The following PTPN7 variants were observed in gnomAD, a reference collection of about 807,000 sequenced individuals.
PTPN7 encodes tyrosine-protein phosphatase non-receptor type 7.
PTPN7 carries 33 observed loss-of-function variants against 50.3 expected under a neutral mutation model. The ratio of observed to expected loss-of-function variants is 0.66; its 90% CI spans 0.50 to 0.88. The LOEUF (loss-of-function observed/expected upper bound fraction) is 0.88, where lower values mean the gene tolerates loss of function less well. Ranked by LOEUF, PTPN7 falls within the 40% of genes least tolerant of loss-of-function variation. The pLI is 0.00. For missense variants in PTPN7, 412 were observed against 475.4 expected (o/e 0.87, Z 1.24); for synonymous variants, 185 against 186.6 (o/e 0.99, Z 0.07).
chr1:202,153,898 G>C (rs1656338570), intron 6 of PTPN7, 63 bp from the exon 7 acceptor site: 4 of 1,360,812 alleles, frequency 2.9e-6, no homozygotes, highest in East Asian at 4.6e-5. Flanking sequence ...GGGCAGCAGA[G>C]AGGGGCTGGT....
At position 202,148,425 on chromosome 1, in the gene PTPN7, T is replaced by C; in HGVS notation, c.*181A>G. 1 of 539,050 alleles carries C rather than the reference T, an allele frequency of 1.9e-6. No individual in the cohort carries two copies. The highest frequency in any genetic ancestry group is 2.7e-5 in the South Asian group (1 of 37,404). 33.4% of individuals were successfully genotyped at this position (539,050 alleles called of 1,614,324 possible). A position where few individuals can be genotyped will look rare whatever the true frequency, so the allele number is the denominator to read the frequency against. The stretch of plus-strand genomic sequence containing the variant: ...AGAGGAGTGGCCAGTGTTGAAGACC[T>C]GGAATCCGGCCCCTTGTCCTTACTG... On this transcript the variant is annotated 3_prime_UTR_variant, in exon 10 of 10. Transcript: ENST00000691036.
chr1:202,154,092 A>G, intron 6 of PTPN7, 94 bp downstream of exon 6: 1 of 1,561,984 alleles, frequency 6.4e-7, no homozygotes, highest in Non-Finnish European at 8.8e-7. Context: ...CTCCCAGGGA[A>G]ACCTCTGGTT....
rs746623305 is a variant in PTPN7 at position 202,159,262 on chromosome 1, C to G, written c.122+19G>C. 6.2e-7 allele frequency: 1 copy of G among 1,611,398 alleles called. No individual in the cohort carries two copies. The highest frequency in any genetic ancestry group is 1.1e-5 in the South Asian group (1 of 90,912). ...GGGGCTCAGGGCTCGGAAGACCCCT[C>G]CCCCAGGGAAGATCTCACCTCTCCT... On this transcript the variant is annotated intron_variant, in intron 2 of 9. Coordinates refer to ENST00000691036, the MANE Select transcript of PTPN7 (RefSeq NM_002832.4). The surrounding 1 kb of genome is among the most constrained non-coding windows in gnomAD (Gnocchi z 4.6).
rs770242085 is a variant in PTPN7, at chr1:202,159,236, G to C, written c.122+45C>G. 3.8e-6 allele frequency: 6 copies of C among 1,578,746 alleles called. No homozygotes were observed. The highest frequency in any genetic ancestry group is 1.7e-6 in the Non-Finnish European group (2 of 1,150,912). Reference sequence around the variant, plus strand: ...GATGGAAGGAAGGGAGGAGCGGAATGGGGGCTCAGGGCTCGGAAGACCCCT... The same window carrying C: ...GATGGAAGGAAGGGAGGAGCGGAATCGGGGCTCAGGGCTCGGAAGACCCCT... On this transcript the variant is annotated intron_variant, in intron 2 of 9. Coordinates refer to ENST00000691036, the MANE Select transcript of PTPN7 (RefSeq NM_002832.4). The surrounding 1 kb of genome is among the most constrained non-coding windows in gnomAD (Gnocchi z 4.6).
intron 4 of PTPN7, 148 bp downstream of exon 4, chr1:202,157,591 C>G (rs765167334): frequency 8.9e-6 from 6 of 672,356 alleles, no homozygotes; most frequent in Non-Finnish European, 1.5e-5. Context: ...TGTTGTGATT[C>G]TTGCTCCTTC....
chr1:202,153,470 G>C (rs1446345410), intron 7 of PTPN7, among the ~76,000 whole-genome samples: 1 of 152,200 alleles, frequency 6.6e-6, no homozygotes, highest in African/African-American at 2.4e-5. Flanking sequence ...CCCTGCTCCT[G>C]GATCCTGCCT....
rs761992224 is a variant in PTPN7 at position 202,159,242 on chromosome 1, T to G, written c.122+39A>C. The G allele has an allele frequency of 2.1e-5, 33 of 1,592,498 alleles. 2 individuals carry two copies. The South Asian group carries it at 3.4e-4, about 17-fold the overall frequency. On this transcript the variant is annotated intron_variant, in intron 2 of 9. Coordinates refer to ENST00000691036, the MANE Select transcript of PTPN7 (RefSeq NM_002832.4). This position sits in a 1 kb window ranked among gnomAD's most constrained non-coding sequence, Gnocchi z 4.6. ...AGGAAGGGAGGAGCGGAATGGGGGC[T>G]CAGGGCTCGGAAGACCCCTCCCCCA... is the stretch of plus-strand genomic sequence containing the variant.
rs759152211 is a variant in PTPN7 at position 202,155,620 on chromosome 1, A to G, written c.392-11T>C. The G allele has an allele frequency of 5.8e-6, 9 of 1,545,074 alleles. No individual in the cohort carries two copies. In the African/African-American group the frequency reaches 1.2e-4, roughly 21 times the overall value. ...CACGGCTCTGGGGATCTAGGAAATAAAAATCAGCAGAGGTCAGAGGTCAGA... is the reference window on the plus strand; with the variant it reads ...CACGGCTCTGGGGATCTAGGAAATAGAAATCAGCAGAGGTCAGAGGTCAGA... On this transcript the variant is annotated splice_polypyrimidine_tract_variant and intron_variant, in intron 4 of 9. Coordinates refer to ENST00000691036, the MANE Select transcript of PTPN7 (RefSeq NM_002832.4).
At chr1:202,155,796 G>C (rs781555464) in intron 4 of PTPN7, among the ~76,000 whole-genome samples, 187 bp from the exon 5 acceptor site, 25 of 152,302 alleles carry the variant, frequency 1.6e-4, no homozygotes, top group Non-Finnish European at 3.7e-4. Context: ...GTCTCATTCT[G>C]TTGCCTAGGC....
rs1386359068 is a variant in PTPN7, at chr1:202,160,378, T to C, written c.-53+167A>G. Among the ~76,000 whole-genome samples, 1 of 152,026 alleles carries C rather than the reference T, an allele frequency of 6.6e-6. No individual in the cohort carries two copies. The highest frequency in any genetic ancestry group is 1.5e-5 in the Non-Finnish European group (1 of 67,986). On this transcript the variant is annotated intron_variant, in intron 1 of 9. Transcript: ENST00000691036. The surrounding 1 kb of genome is among the most constrained non-coding windows in gnomAD (Gnocchi z 4.8). ...TTGTAGCTCCCTGTGGCTTCCCTGC[T>C]CACCCCCGTCTTGGGGACATCAGGT...
Position 202,155,568 on chromosome 1 carries a change from C to T in PTPN7, c.433G>A (p.Glu145Lys), listed in dbSNP as rs1329129548. The T allele has an allele frequency of 1.3e-6, 2 of 1,575,086 alleles. No homozygotes were observed. Among genetic ancestry groups the T allele is most frequent in the African/African-American group, 2.7e-5 (2 of 73,982 alleles). Residue 145 changes from glutamate (E) to lysine (K), a missense_variant, in exon 5 of 10, where the codon GAG (glutamate) becomes AAG (lysine). Transcript: ENST00000691036. ...RVCLGRAQSQ[E>K]DGDYINANYI... ...TTGGCATTGATGTAATCTCCGTCCT[C>T]CTGGCTCTGTGCCCGGCCTAGACAG...
chr1:202,155,505 C>T (rs372383427), intron 5 of PTPN7, 28 bp downstream of exon 5: 206 of 1,522,892 alleles, frequency 1.4e-4, no homozygotes, highest in South Asian at 1.8e-4. Flanking sequence ...CCCCATTCCC[C>T]GCCCACCACT....
chr1:202,151,113 T>C (rs1655959741), intron 8 of PTPN7, among the ~76,000 whole-genome samples: 1 of 152,176 alleles, frequency 6.6e-6, no homozygotes, highest in African/African-American at 2.4e-5. Flanking sequence ...ACCCCCTCAC[T>C]CTGGCCCAAT....
chr1:202,158,298 C>G lies in PTPN7; in HGVS notation c.126G>C (p.Arg42=). Residue 42 remains arginine, a synonymous_variant, in exon 3 of 10, where the codon CGG becomes CGC. Coordinates refer to ENST00000691036, the MANE Select transcript of PTPN7 (RefSeq NM_002832.4). ...AKKHVRLQER[R]GSNVALMLDV... ...CCAGCATCAGAGCCACATTGGAGCC[C>G]CGCCTGCAGGCATAGCCCACCACTG... 1 of 1,613,928 alleles carries G rather than the reference C, an allele frequency of 6.2e-7. No homozygotes were observed.
rs1271401130 is a variant in PTPN7 at position 202,154,243 on chromosome 1, C to T, written c.549G>A (p.Val183=). ...PNTVSDFWEM[V]WQEEVSLIVM... is the part of the protein sequence containing the mutation. ...CAATGAGGGACACTTCCTCTTGCCACACCATCTCCCAGAAGTCCGACACAG... is the reference window on the plus strand; with the variant it reads ...CAATGAGGGACACTTCCTCTTGCCATACCATCTCCCAGAAGTCCGACACAG... Residue 183 remains valine (V), a synonymous_variant, in exon 6 of 10, where the codon GTG becomes GTA. Coordinates refer to ENST00000691036, the MANE Select transcript of PTPN7 (RefSeq NM_002832.4). The T allele has an allele frequency of 2.5e-6, 4 of 1,614,090 alleles. No individual in the cohort carries two copies. The highest frequency in any genetic ancestry group is 3.4e-6 in the Non-Finnish European group (4 of 1,180,052).
At position 202,158,554 on chromosome 1, in the gene PTPN7, A is replaced by T. The variant is rs1405487466; in HGVS notation, c.123-253T>A. 4.0e-5 allele frequency: 17 copies of T among 428,404 alleles called. No homozygotes were observed. The Admixed American group carries it at 6.7e-4, about 17-fold the overall frequency. 26.5% of individuals were successfully genotyped at this position (428,404 alleles called of 1,614,324 possible). On this transcript the variant is annotated intron_variant, in intron 2 of 9. Transcript: ENST00000691036. ...TTAAGTTTTTTTTTTTTTTGGAGAG[A>T]CAGTGTCTTGTTCTGTTGCTCAGGC...
intron 4 of PTPN7, among the ~76,000 whole-genome samples, chr1:202,156,563 A>T (rs1656680061): frequency 6.6e-6 from 1 of 152,246 alleles, no homozygotes; most frequent in Non-Finnish European, 1.5e-5. Flanking sequence ...TGCTCATGCC[A>T]GCCTGGTCAT....
upstream of PTPN7, chr1:202,160,670 C>T (rs764879459): frequency 8.1e-5 from 125 of 1,550,476 alleles, no homozygotes; most frequent in Middle Eastern, 3.3e-4. This position sits in a 1 kb window ranked among gnomAD's most constrained non-coding sequence, Gnocchi z 4.8. Flanking sequence ...CTGCCACCCA[C>T]GCACACCCCA....
At position 202,160,394 on chromosome 1, in the gene PTPN7, G is replaced by T; in HGVS notation, c.-53+151C>A. The stretch of plus-strand genomic sequence containing the variant: ...CTTCCCTGCTCACCCCCGTCTTGGG[G>T]ACATCAGGTCTGTGAGCACCCATAC... On this transcript the variant is annotated intron_variant, in intron 1 of 9. Transcript: ENST00000691036. The surrounding 1 kb of genome is among the most constrained non-coding windows in gnomAD (Gnocchi z 4.8). The T allele has an allele frequency of 1.3e-6, 1 of 788,266 alleles. No homozygotes were observed. The highest frequency in any genetic ancestry group is 2.0e-6 in the Non-Finnish European group (1 of 500,244). 48.8% of individuals were successfully genotyped at this position (788,266 alleles called of 1,614,324 possible).
Sources: gnomAD v4.1 joint callset for allele counts (sites outside exome capture counted in the v4.1 genomes callset) on GRCh38, gnomAD v4.1.1 for gene constraint, Gnocchi (gnomAD v3.1) non-coding constraint, MANE v1.5 for transcripts, NCBI Gene and HGNC (gene_info 2026-07-23, HGNC 2026-07-21) for gene names.